The following EBF1 variants were observed in gnomAD, a reference collection of about 807,000 sequenced individuals.
EBF1 encodes the protein EBF transcription factor 1.
In EBF1, 10 loss-of-function variants were observed where a neutral mutation model predicts 68.4. The ratio of observed to expected loss-of-function variants is 0.15; its 90% CI spans 0.09 to 0.25. EBF1 has a LOEUF of 0.25. Among genes scored for constraint, EBF1 ranks in the 10% least tolerant of loss-of-function variants. The pLI is 1.00. For synonymous variants in EBF1, 298 were observed against 299.8 expected (o/e 0.99, Z 0.06); for missense variants, 509 against 794.4 (o/e 0.64, Z 4.32).
At chr5:158,826,531 A>G (rs904206942) in intron 7 of EBF1, among the ~76,000 whole-genome samples, 3 of 152,208 alleles carry the variant, frequency 2.0e-5, no homozygotes, top group African/African-American at 7.2e-5. Flanking sequence ...ATTCTTGAAG[A>G]TGTCCAAGTT....
At chr5:158,839,631 C>T (rs1224874713) in intron 7 of EBF1, among the ~76,000 whole-genome samples, 1 of 152,198 alleles carries the variant, frequency 6.6e-6, no homozygotes, top group Admixed American at 6.5e-5. Context: ...AATCTGCCTA[C>T]CTTAGCCTCC....
chr5:158,885,045 G>A (rs2128098355), intron 6 of EBF1, among the ~76,000 whole-genome samples: 1 of 152,354 alleles, frequency 6.6e-6, no homozygotes, highest in Non-Finnish European at 1.5e-5. Flanking sequence ...AAGCACACCT[G>A]CCTGAGGTTA....
At chr5:158,978,790 A>G (rs1052614379) in intron 6 of EBF1, among the ~76,000 whole-genome samples, 8 of 100,552 alleles carry the variant, frequency 8.0e-5, no homozygotes, top group Admixed American at 1.1e-4. Context: ...ACACACACAC[A>G]CACACATACA....
Position 158,933,322 on chromosome 5 carries a change from T to C in EBF1, c.555-93212A>G, listed in dbSNP as rs548081357. Among the ~76,000 whole-genome samples, 5 of 152,258 alleles carry C rather than the reference T, an allele frequency of 3.3e-5. No individual in the cohort carries two copies. The East Asian group carries it at 9.7e-4, about 29-fold the overall frequency. On this transcript the variant is annotated intron_variant, in intron 6 of 15. Transcript: ENST00000313708. ...CCACTATAGGCAACCATCATTCTTA[T>C]GAAGGATAACATAATTACAACTAAA...
chr5:158,990,287 T>C (rs1760039220), intron 6 of EBF1, among the ~76,000 whole-genome samples: 1 of 152,186 alleles, frequency 6.6e-6, no homozygotes, highest in African/African-American at 2.4e-5. Context: ...CAGGAAGGCC[T>C]TGGGGCAACA....
chr5:158,996,830 T>C (rs1377651308), intron 6 of EBF1, among the ~76,000 whole-genome samples: 2 of 152,204 alleles, frequency 1.3e-5, no homozygotes, highest in African/African-American at 4.8e-5. Flanking sequence ...TAGCAAACTT[T>C]TAAATGAAAT....
At chr5:158,942,428 G>A (rs1813623606) in intron 6 of EBF1, among the ~76,000 whole-genome samples, 1 of 152,154 alleles carries the variant, frequency 6.6e-6, no homozygotes, top group Non-Finnish European at 1.5e-5. Context: ...TTATAAATTG[G>A]GGATAATAAT....
At chr5:158,722,649 C>A (rs997000813) in intron 11 of EBF1, among the ~76,000 whole-genome samples, 2 of 152,184 alleles carry the variant, frequency 1.3e-5, no homozygotes, top group Admixed American at 6.5e-5. Flanking sequence ...TGAACATCAT[C>A]GGTTATCATA....
chr5:158,909,555 C>G (rs1014773089), intron 6 of EBF1, among the ~76,000 whole-genome samples: 1 of 152,036 alleles, frequency 6.6e-6, no homozygotes, highest in Non-Finnish European at 1.5e-5. Context: ...TTGGTTGGCT[C>G]AGGAAGAATT....
intron 6 of EBF1, among the ~76,000 whole-genome samples, chr5:158,956,166 T>C (rs1218489184): frequency 1.3e-5 from 2 of 150,892 alleles, no homozygotes; most frequent in Non-Finnish European, 1.5e-5. Flanking sequence ...AGCAACACAC[T>C]CCAGTCCACA....
In EBF1 at chr5:158,882,805, A is replaced by G. The variant is rs142643025; in HGVS notation, c.555-42695T>C. ...ATGGAGCAATACATGTTGCTGTGTT[A>G]CACACCATCGAGCACCTCGCACTGC... On this transcript the variant is annotated intron_variant, in intron 6 of 15. Coordinates refer to ENST00000313708, the MANE Select transcript of EBF1 (RefSeq NM_024007.5). Among the ~76,000 whole-genome samples the G allele has an allele frequency of 1.2e-3, 177 of 152,346 alleles. 2 individuals carry two copies. The Middle Eastern group carries it at 0.014, about 12-fold the overall frequency.
intron 8 of EBF1, among the ~76,000 whole-genome samples, chr5:158,813,943 C>T (rs1302108793): frequency 1.3e-5 from 2 of 152,136 alleles, no homozygotes; most frequent in African/African-American, 4.8e-5. Context: ...AGGGGAGCTC[C>T]TGTGACAGAT....
chr5:158,744,637 A>G (rs1246465579), intron 10 of EBF1, among the ~76,000 whole-genome samples: 2 of 152,208 alleles, frequency 1.3e-5, no homozygotes, highest in Non-Finnish European at 2.9e-5. Context: ...ATGAACCTAA[A>G]TGAGTAAGTG....
rs1454369279 is a variant in EBF1, at chr5:159,068,467, A to G, written c.554+4929T>C. Among the ~76,000 whole-genome samples, 8 of 152,262 alleles carry G rather than the reference A, an allele frequency of 5.3e-5. No individual in the cohort carries two copies. In the East Asian group the frequency reaches 5.8e-4, roughly 11 times the overall value. On this transcript the variant is annotated intron_variant, in intron 6 of 15. Coordinates refer to ENST00000313708, the MANE Select transcript of EBF1 (RefSeq NM_024007.5). The stretch of plus-strand genomic sequence containing the variant: ...TTTTTATATTGTTTTCCTATTATAC[A>G]TATGGGCATATATGTTATATAAATA...
chr5:158,951,541 T>G (rs1289304595), intron 6 of EBF1, among the ~76,000 whole-genome samples: 1 of 152,078 alleles, frequency 6.6e-6, no homozygotes, highest in African/African-American at 2.4e-5. Flanking sequence ...TTCAATGGGG[T>G]CTTCTTCCCG....
intron 10 of EBF1, among the ~76,000 whole-genome samples, chr5:158,752,423 G>A (rs1284107627): frequency 6.6e-6 from 1 of 151,340 alleles, no homozygotes; most frequent in Non-Finnish European, 1.5e-5. Flanking sequence ...TTTAGAAATG[G>A]AGATACCAAG....
intron 6 of EBF1, among the ~76,000 whole-genome samples, chr5:159,025,726 T>C (rs1482868394): frequency 6.6e-6 from 1 of 152,186 alleles, no homozygotes; most frequent in Non-Finnish European, 1.5e-5. Context: ...AAGCTCTCTT[T>C]CAATGGGTCA....
At chr5:158,771,251 G>A (rs143562013) in intron 10 of EBF1, among the ~76,000 whole-genome samples, 58 of 152,140 alleles carry the variant, frequency 3.8e-4, no homozygotes, top group African/African-American at 1.3e-3. Context: ...ACTCATACTG[G>A]ACCAGGTACT....
intron 15 of EBF1, among the ~76,000 whole-genome samples, chr5:158,703,347 C>T (rs1482760106): frequency 6.6e-6 from 1 of 152,126 alleles, no homozygotes; most frequent in Non-Finnish European, 1.5e-5. Flanking sequence ...AATATAGTTG[C>T]ATTTTCCAAA....
Sources: allele counts gnomAD v4.1 joint callset (sites outside exome capture counted in the v4.1 genomes callset), GRCh38; gene constraint gnomAD v4.1.1; transcripts MANE v1.5; gene names NCBI Gene and HGNC (gene_info 2026-07-23, HGNC 2026-07-21).